CDK19: variants seen among roughly 807,000 people sequenced by gnomAD.
CDK19 encodes cyclin dependent kinase 19.
Under a neutral mutation model 68.3 loss-of-function variants are expected in CDK19, and 20 were observed. That is an observed-to-expected ratio of 0.29 (90% confidence interval 0.21 to 0.43). CDK19 has a LOEUF of 0.43. Among genes scored for constraint, CDK19 ranks in the 20% least tolerant of loss-of-function variants. CDK19 has a pLI of 1.00. For synonymous variants in CDK19, 221 were observed against 222.8 expected (o/e 0.99, Z 0.07); for missense variants, 339 against 623.5 (o/e 0.54, Z 4.86).
chr6:110,639,479 G>A (rs536506241), intron 4 of CDK19, among the ~76,000 whole-genome samples: 24 of 152,226 alleles, frequency 1.6e-4, no homozygotes, highest in South Asian at 2.1e-4. Context: ...TAAGGATAAA[G>A]AACCATGCCA....
chr6:110,772,439 C>T (rs555263587), intron 1 of CDK19, among the ~76,000 whole-genome samples: 32 of 152,008 alleles, frequency 2.1e-4, no homozygotes, highest in Admixed American at 1.6e-3. Context: ...TATGGGAGTA[C>T]AATTCAAGAC....
chr6:110,638,614 T>G, intron 5 of CDK19, 35 bp downstream of exon 5: 2 of 1,112,720 alleles, frequency 1.8e-6, no homozygotes, highest in Middle Eastern at 2.0e-4. Flanking sequence ...TTAACTTCAG[T>G]TTTTAAATAA....
At chr6:110,667,359 G>A in intron 4 of CDK19, 75 bp downstream of exon 4, 4 of 955,210 alleles carry the variant, frequency 4.2e-6, no homozygotes, top group Non-Finnish European at 6.1e-6. Flanking sequence ...TTATTATAAT[G>A]GTACCAAGAA....
chr6:110,619,848 T>G (rs1778596990), intron 12 of CDK19, among the ~76,000 whole-genome samples: 1 of 152,090 alleles, frequency 6.6e-6, no homozygotes, highest in Non-Finnish European at 1.5e-5. Flanking sequence ...TGCACTAACA[T>G]GGCCCCGCCT....
At chr6:110,784,900 T>C (rs1781089410) in intron 1 of CDK19, among the ~76,000 whole-genome samples, 1 of 152,092 alleles carries the variant, frequency 6.6e-6, no homozygotes, top group Non-Finnish European at 1.5e-5. Context: ...TTTTTACATA[T>C]GTCCAGAATA....
intron 2 of CDK19, among the ~76,000 whole-genome samples, chr6:110,703,554 A>G (rs1774188997): frequency 2.0e-5 from 3 of 152,170 alleles, no homozygotes; most frequent in African/African-American, 7.2e-5. Context: ...TGAAAAAATG[A>G]ACCTGCCAGG....
At chr6:110,731,496 T>C (rs1271522963) in intron 2 of CDK19, among the ~76,000 whole-genome samples, 1 of 152,190 alleles carries the variant, frequency 6.6e-6, no homozygotes, top group Non-Finnish European at 1.5e-5. Context: ...TGTGGGATGA[T>C]GAAAATGTTC....
In CDK19 at chr6:110,699,478, A is replaced by G. The variant is rs532479623; in HGVS notation, c.205-28937T>C. On this transcript the variant is annotated intron_variant, in intron 2 of 12. Transcript: ENST00000368911. ...GCTGGAGGCCATTATTTTAAGTGAA[A>G]TAACTCAGGAATGGCAAACCAAATA... 2.0e-5 allele frequency among the ~76,000 whole-genome samples: 3 copies of G among 152,222 alleles called. No individual in the cohort carries two copies. The East Asian group carries it at 5.8e-4, about 29-fold the overall frequency.
chr6:110,668,727 G>T (rs750507640), intron 3 of CDK19, among the ~76,000 whole-genome samples: 4 of 151,980 alleles, frequency 2.6e-5, no homozygotes, highest in Non-Finnish European at 4.4e-5. Flanking sequence ...AGCTACACAG[G>T]AGGCTGAGGC....
At chr6:110,736,155 A>G (rs1777236773) in intron 2 of CDK19, among the ~76,000 whole-genome samples, 1 of 152,162 alleles carries the variant, frequency 6.6e-6, no homozygotes, top group African/African-American at 2.4e-5. Flanking sequence ...CAGCCTGACC[A>G]ATATGGAGAA....
At chr6:110,724,734 A>T (rs1391616243) in intron 2 of CDK19, among the ~76,000 whole-genome samples, 4 of 152,220 alleles carry the variant, frequency 2.6e-5, no homozygotes, top group African/African-American at 9.6e-5. Flanking sequence ...TTCAACTATT[A>T]CATAAAAGAT....
intron 1 of CDK19, among the ~76,000 whole-genome samples, chr6:110,774,947 T>C (rs1198845614): frequency 1.4e-5 from 2 of 147,524 alleles, no homozygotes; most frequent in Non-Finnish European, 3.0e-5. Flanking sequence ...AGACCCTATT[T>C]CAAAAGAAAT....
chr6:110,789,106 T>C (rs1041101584), intron 1 of CDK19, among the ~76,000 whole-genome samples: 3 of 152,174 alleles, frequency 2.0e-5, no homozygotes, highest in African/African-American at 7.2e-5. Context: ...CTCACAGCAA[T>C]AGCAAGAAGA....
chr6:110,668,217 C>T (rs972920464), intron 3 of CDK19, among the ~76,000 whole-genome samples: 3 of 152,144 alleles, frequency 2.0e-5, no homozygotes, highest in Admixed American at 6.5e-5. Context: ...TACCTGCCCC[C>T]GCAGTGCTCC....
rs200084899 is a variant in CDK19, at chr6:110,788,153, TTTG to T, written c.128+26853_128+26855del. Among the ~76,000 whole-genome samples, 544 of 151,042 alleles carry T rather than the reference TTTG, an allele frequency of 3.6e-3. 1 individual carries two copies. Among genetic ancestry groups the T allele is most frequent in the Non-Finnish European group, 4.1e-3 (277 of 67,726 alleles). Reference sequence around the variant, plus strand: ...CCACACCTGGCCTGTTTTTTGTTTTTTTGTTGTTGTTGTTTGTTTGTTTTTGAG... The same window carrying T: ...CCACACCTGGCCTGTTTTTTGTTTTTTTGTTGTTGTTTGTTTGTTTTTGAG... On this transcript the variant is annotated intron_variant, in intron 1 of 12. Coordinates refer to ENST00000368911, the MANE Select transcript of CDK19 (RefSeq NM_015076.5).
chr6:110,614,640 T>C lies in CDK19; in HGVS notation c.1404A>G (p.Gln468=), dbSNP rs746239191. The C allele has an allele frequency of 6.2e-7, 1 of 1,613,838 alleles. No individual in the cohort carries two copies. Among genetic ancestry groups the C allele is most frequent in the African/African-American group, 1.3e-5 (1 of 74,888 alleles). ...YQHSSSRLNY[Q]SSVQGSSQSQ... ...ACTGAGAGGATCCCTGAACGCTGCTTTGGTAATTCAGGCGAGAACTGGAGT... is the reference window on the plus strand; with the variant it reads ...ACTGAGAGGATCCCTGAACGCTGCTCTGGTAATTCAGGCGAGAACTGGAGT... The change falls in exon 13 of 13, where the codon CAA becomes CAG. Residue 468 remains glutamine (Q), a synonymous_variant. Coordinates refer to ENST00000368911, the MANE Select transcript of CDK19 (RefSeq NM_015076.5).
intron 2 of CDK19, among the ~76,000 whole-genome samples, chr6:110,680,205 G>A (rs962628907): frequency 6.6e-6 from 1 of 152,188 alleles, no homozygotes; most frequent in Admixed American, 6.5e-5. Context: ...GAATAAGAGT[G>A]CTGGCTTGAG....
intron 1 of CDK19, 113 bp downstream of exon 1, chr6:110,814,896 C>T (rs542633723): frequency 7.0e-7 from 1 of 1,431,278 alleles, no homozygotes; most frequent in African/African-American, 1.5e-5. Context: ...CCCGCGACCC[C>T]CTCCGCCTCG....
chr6:110,624,879 T>C (rs534476165), intron 8 of CDK19, among the ~76,000 whole-genome samples: 2 of 152,344 alleles, frequency 1.3e-5, no homozygotes, highest in African/African-American at 4.8e-5. Flanking sequence ...TGTGTGATCT[T>C]GGGCAAGTTA....
Sources: allele counts gnomAD v4.1 joint callset (sites outside exome capture counted in the v4.1 genomes callset), GRCh38; gene constraint gnomAD v4.1.1; transcripts MANE v1.5; gene names NCBI Gene and HGNC (gene_info 2026-07-23, HGNC 2026-07-21).